The following BBS9 variants were observed in gnomAD, a reference collection of about 807,000 sequenced individuals.
The protein encoded by BBS9 is Bardet-Biedl syndrome 9, also known as protein PTHB1.
Under a neutral mutation model 117.7 loss-of-function variants are expected in BBS9, and 89 were observed. The ratio of observed to expected loss-of-function variants is 0.76; its 90% CI spans 0.64 to 0.90. BBS9 has a LOEUF of 0.90. BBS9 is among the 40% of genes least tolerant of loss of function. BBS9 has a pLI of 0.00. For synonymous variants in BBS9, 379 were observed against 370.9 expected (o/e 1.02, Z -0.25); for missense variants, 982 against 1,042.2 (o/e 0.94, Z 0.80).
intron 9 of BBS9, among the ~76,000 whole-genome samples, chr7:33,282,260 C>T (rs1420150): frequency 6.6e-6 from 1 of 152,070 alleles, no homozygotes; most frequent in Non-Finnish European, 1.5e-5. Context: ...TGAGTCTTAT[C>T]AAATAGAATG....
intron 20 of BBS9, among the ~76,000 whole-genome samples, chr7:33,530,445 A>G (rs866423830): frequency 6.6e-6 from 1 of 152,238 alleles, no homozygotes; most frequent in South Asian, 2.1e-4. Flanking sequence ...TAAATGAATG[A>G]CAGTATGAAC....
intron 19 of BBS9, among the ~76,000 whole-genome samples, chr7:33,451,674 T>C (rs1325468098): frequency 6.6e-6 from 1 of 152,228 alleles, no homozygotes; most frequent in Non-Finnish European, 1.5e-5. Flanking sequence ...TTCTTCTGGA[T>C]TCTCTGAGGT....
At chr7:33,421,371 C>A (rs1417689998) in intron 19 of BBS9, among the ~76,000 whole-genome samples, 1 of 152,102 alleles carries the variant, frequency 6.6e-6, no homozygotes, top group Non-Finnish European at 1.5e-5. Context: ...ACATCATAAT[C>A]AACTATTGCA....
At chr7:33,521,895 C>T (rs1174368285) in intron 20 of BBS9, among the ~76,000 whole-genome samples, 1 of 109,708 alleles carries the variant, frequency 9.1e-6, no homozygotes, top group East Asian at 3.4e-4. Context: ...ATCCCTCCCC[C>T]CTCCCCCCAC....
At chr7:33,350,167 G>A (rs1818360446) in intron 13 of BBS9, among the ~76,000 whole-genome samples, 1 of 151,704 alleles carries the variant, frequency 6.6e-6, no homozygotes, top group South Asian at 2.1e-4. Context: ...TCTTTTTTTA[G>A]TTTACTATAG....
intron 19 of BBS9, among the ~76,000 whole-genome samples, chr7:33,486,653 A>G (rs746737946): frequency 6.6e-6 from 1 of 152,182 alleles, no homozygotes; most frequent in East Asian, 1.9e-4. Flanking sequence ...TCAAACTCCT[A>G]TTCTTTCCTG....
chr7:33,167,475 T>G (rs1795880742), intron 4 of BBS9, among the ~76,000 whole-genome samples: 1 of 150,852 alleles, frequency 6.6e-6, no homozygotes, highest in South Asian at 2.1e-4. Context: ...CAATCTCAGC[T>G]CATTGCAACC....
intron 21 of BBS9, among the ~76,000 whole-genome samples, chr7:33,602,932 T>C: frequency 6.6e-6 from 1 of 152,172 alleles, no homozygotes; most frequent in Admixed American, 6.5e-5. Context: ...TTACGTTCAT[T>C]GTTGATAATC....
intron 19 of BBS9, among the ~76,000 whole-genome samples, chr7:33,404,160 G>A (rs1475788813): frequency 2.6e-5 from 4 of 152,202 alleles, no homozygotes; most frequent in African/African-American, 9.6e-5. Context: ...TTGTAGATAT[G>A]CGGCGTTATT....
At chr7:33,509,053 C>T (rs1033184223) in intron 20 of BBS9, among the ~76,000 whole-genome samples, 10 of 152,008 alleles carry the variant, frequency 6.6e-5, no homozygotes, top group Non-Finnish European at 1.0e-4. Context: ...CTTCTGAATT[C>T]GGTGAGATTA....
intron 4 of BBS9, among the ~76,000 whole-genome samples, chr7:33,159,477 A>G (rs916338975): frequency 6.6e-6 from 1 of 152,208 alleles, no homozygotes; most frequent in African/African-American, 2.4e-5. Flanking sequence ...ATTATGTCAC[A>G]TTTAACATGA....
At chr7:33,471,327 A>C (rs1342760135) in intron 19 of BBS9, among the ~76,000 whole-genome samples, 1 of 152,176 alleles carries the variant, frequency 6.6e-6, no homozygotes, top group East Asian at 1.9e-4. Flanking sequence ...GGCCAAAATG[A>C]GATGTTGGAA....
intron 9 of BBS9, among the ~76,000 whole-genome samples, chr7:33,317,248 T>C (rs2128568855): frequency 6.6e-6 from 1 of 152,320 alleles, no homozygotes. Context: ...TCTTGATTAC[T>C]GTATGTAGAT....
At chr7:33,436,566 A>G (rs1835334099) in intron 19 of BBS9, among the ~76,000 whole-genome samples, 1 of 152,148 alleles carries the variant, frequency 6.6e-6, no homozygotes, top group Non-Finnish European at 1.5e-5. Flanking sequence ...GTTCAAACCA[A>G]AGGTTCTGAA....
intron 19 of BBS9, among the ~76,000 whole-genome samples, chr7:33,447,050 G>T (rs917046276): frequency 1.3e-5 from 2 of 152,330 alleles, no homozygotes; most frequent in Non-Finnish European, 1.5e-5. Flanking sequence ...CATTATTGAA[G>T]GATCAGGCCT....
intron 21 of BBS9, among the ~76,000 whole-genome samples, chr7:33,634,488 T>G (rs1192950778): frequency 6.6e-6 from 1 of 152,220 alleles, no homozygotes; most frequent in African/African-American, 2.4e-5. Flanking sequence ...TGTAAAATAC[T>G]TTGCATCCTT....
intron 21 of BBS9, among the ~76,000 whole-genome samples, chr7:33,634,987 T>C (rs1440786550): frequency 6.6e-6 from 1 of 152,204 alleles, no homozygotes; most frequent in Non-Finnish European, 1.5e-5. Flanking sequence ...TTTGGTGTCC[T>C]TGGCCTCCCA....
At chr7:33,454,832 C>G (rs556837953) in intron 19 of BBS9, among the ~76,000 whole-genome samples, 1 of 152,168 alleles carries the variant, frequency 6.6e-6, no homozygotes, top group Non-Finnish European at 1.5e-5. Context: ...GGTGCAGTCT[C>G]TTTGTACATC....
chr7:33,380,918 A>G (rs1824890853), intron 17 of BBS9: 1 of 152,282 alleles, frequency 6.6e-6, no homozygotes, highest in Non-Finnish European at 1.5e-5. Flanking sequence ...TGGGCTGCCT[A>G]GGATGGACAG....
Sources: allele counts gnomAD v4.1 joint callset (sites outside exome capture counted in the v4.1 genomes callset), GRCh38; gene constraint gnomAD v4.1.1; transcripts MANE v1.5; gene names NCBI Gene and HGNC (gene_info 2026-07-23, HGNC 2026-07-21).